Variants in MCUB observed in about 807,000 individuals in gnomAD.
The protein encoded by MCUB is calcium uniporter regulatory subunit MCUb, mitochondrial.
In MCUB, 46 loss-of-function variants were observed where a neutral mutation model predicts 41.4. The ratio of observed to expected loss-of-function variants is 1.11; its 90% CI spans 0.88 to 1.42. The LOEUF (loss-of-function observed/expected upper bound fraction) is 1.42. Among genes scored for constraint, MCUB ranks in the 40% most tolerant of loss-of-function variants. MCUB has a pLI of 0.00. For synonymous variants in MCUB, 148 were observed against 148.2 expected, an observed-to-expected ratio of 1.00 and a Z score of 0.01; for missense variants, 403 against 404.9, an observed-to-expected ratio of 1.00 and a Z score of 0.04.
chr4:109,616,558 C>T (rs1728132381), intron 1 of MCUB, among the ~76,000 whole-genome samples: 3 of 152,136 alleles, frequency 2.0e-5, no homozygotes, highest in Admixed American at 2.0e-4. Flanking sequence ...TTGGACCTGA[C>T]ACTTTAAACA....
At chr4:109,616,018 T>TA (rs923109019) in intron 1 of MCUB, among the ~76,000 whole-genome samples, 58 of 152,238 alleles carry the variant, frequency 3.8e-4, no homozygotes, top group African/African-American at 1.3e-3. Flanking sequence ...AGTAGTAACT[T>TA]ATGAAACTAG....
chr4:109,611,596 G>T (rs1042517254), intron 1 of MCUB, among the ~76,000 whole-genome samples: 1 of 152,172 alleles, frequency 6.6e-6, no homozygotes, highest in African/African-American at 2.4e-5. Context: ...TTGTGACTTA[G>T]TGGAGATAAT....
intron 4 of MCUB, among the ~76,000 whole-genome samples, chr4:109,680,174 G>A (rs1320663652): frequency 1.3e-5 from 2 of 152,096 alleles, no homozygotes; most frequent in South Asian, 2.1e-4. Flanking sequence ...AAATGTTAAC[G>A]TTCAAGGACA....
Position 109,650,967 on chromosome 4 carries a change from C to A in MCUB, c.100-8044C>A, listed in dbSNP as rs79471970. On this transcript the variant is annotated intron_variant, in intron 1 of 7. Transcript: ENST00000394650. ...TGTCGGGAATATCTCAAAAGTGTCC[C>A]ATGTATTCTCATTGCATGATTTCAA... Among the ~76,000 whole-genome samples the A allele has an allele frequency of 3.3e-3, 495 of 152,236 alleles. 3 individuals carry two copies. Among genetic ancestry groups the A allele is most frequent in the African/African-American group, 0.011 (475 of 41,546 alleles).
intron 1 of MCUB, among the ~76,000 whole-genome samples, chr4:109,582,224 G>A (rs1427910828): frequency 1.3e-5 from 2 of 151,902 alleles, no homozygotes. Context: ...CATGTCCTTT[G>A]TAGGGACATG....
chr4:109,672,669 T>G (rs1350325652), intron 4 of MCUB, among the ~76,000 whole-genome samples: 1 of 152,186 alleles, frequency 6.6e-6, no homozygotes, highest in East Asian at 1.9e-4. Context: ...AAATCATCAC[T>G]TTGCAGCCAA....
intron 1 of MCUB, among the ~76,000 whole-genome samples, chr4:109,636,465 A>G (rs1047580874): frequency 6.6e-6 from 1 of 152,188 alleles, no homozygotes; most frequent in African/African-American, 2.4e-5. Flanking sequence ...AAGGATGACA[A>G]GAAGAGGAAT....
intron 1 of MCUB, among the ~76,000 whole-genome samples, chr4:109,628,088 T>G (rs1237111916): frequency 6.6e-6 from 1 of 151,906 alleles, no homozygotes; most frequent in Non-Finnish European, 1.5e-5. Flanking sequence ...GGAGCAACAT[T>G]GGGTAGGATG....
intron 1 of MCUB, among the ~76,000 whole-genome samples, chr4:109,598,608 G>A (rs147743854): frequency 2.2e-5 from 3 of 134,962 alleles, no homozygotes; most frequent in South Asian, 2.2e-4. Context: ...GAGGGAGACG[G>A]TGGGGAGACG....
At chr4:109,563,960 A>G (rs1275587520) in intron 1 of MCUB, among the ~76,000 whole-genome samples, 2 of 152,176 alleles carry the variant, frequency 1.3e-5, no homozygotes, top group South Asian at 4.1e-4. Context: ...AGTAAATATC[A>G]TAAGATCCTC....
rs141540304 is a variant in MCUB, at chr4:109,644,059, T to G, written c.100-14952T>G. On this transcript the variant is annotated intron_variant, in intron 1 of 7. Transcript: ENST00000394650. ...AATTAGGTACATTATATTCAGTGGA[T>G]TCTTAGAAAATGTGAAGGTCTTTGT... Among the ~76,000 whole-genome samples the G allele has an allele frequency of 1.2e-4, 18 of 152,258 alleles. No homozygotes were observed. In the East Asian group the frequency reaches 3.5e-3, roughly 29 times the overall value.
intron 1 of MCUB, among the ~76,000 whole-genome samples, chr4:109,599,348 A>G (rs1229079170): frequency 6.6e-6 from 1 of 151,684 alleles, no homozygotes; most frequent in African/African-American, 2.4e-5. Flanking sequence ...GATTGAAAAC[A>G]TCTTGGGAGT....
chr4:109,631,614 G>A (rs112776330), intron 1 of MCUB, among the ~76,000 whole-genome samples: 5,144 of 152,230 alleles, frequency 0.034, 302 homozygotes, highest in African/African-American at 0.12. Context: ...TTTATTATCC[G>A]TCAGCCCCAA....
intron 1 of MCUB, among the ~76,000 whole-genome samples, chr4:109,564,515 C>T (rs537395930): frequency 6.6e-6 from 1 of 152,144 alleles, no homozygotes; most frequent in South Asian, 2.1e-4. Flanking sequence ...CAAATCTATT[C>T]CAAAAAAATT....
intron 1 of MCUB, among the ~76,000 whole-genome samples, chr4:109,576,912 C>T (rs762766109): frequency 7.2e-5 from 11 of 152,012 alleles, no homozygotes; most frequent in South Asian, 2.1e-4. Context: ...AGTGCAGTGG[C>T]GCAATCTCGC....
chr4:109,639,950 A>G (rs6533444), intron 1 of MCUB, among the ~76,000 whole-genome samples: 108,982 of 152,138 alleles, frequency 0.72, 39,819 homozygotes, highest in African/African-American at 0.86. Context: ...GTGCGTTTGT[A>G]TGAAGAGAGT....
intron 1 of MCUB, among the ~76,000 whole-genome samples, chr4:109,586,934 A>AGTCT (rs774025386): frequency 2.6e-5 from 4 of 152,216 alleles, no homozygotes; most frequent in Non-Finnish European, 4.4e-5. Context: ...TTGAGGAGGC[A>AGTCT]GTCTGTCCTT....
intron 1 of MCUB, among the ~76,000 whole-genome samples, chr4:109,573,934 G>A (rs575850053): frequency 1.6e-3 from 234 of 146,184 alleles, no homozygotes; most frequent in Middle Eastern, 7.0e-3. Flanking sequence ...TTGCAGTGGC[G>A]CAATCTCGGC....
At chr4:109,571,225 T>C (rs1726906751) in intron 1 of MCUB, among the ~76,000 whole-genome samples, 1 of 152,222 alleles carries the variant, frequency 6.6e-6, no homozygotes, top group Admixed American at 6.5e-5. Flanking sequence ...CAAACTGTTT[T>C]TTTAAGAAAC....
Sources: allele counts gnomAD v4.1 joint callset (sites outside exome capture counted in the v4.1 genomes callset), GRCh38; gene constraint gnomAD v4.1.1; transcripts MANE v1.5; gene names NCBI Gene and HGNC (gene_info 2026-07-23, HGNC 2026-07-21).